The following CENPT variants were observed in gnomAD, a reference collection of about 807,000 sequenced individuals.
The protein encoded by CENPT is interphase centromere complex protein 22.
In CENPT, 42 loss-of-function variants were observed where a neutral mutation model predicts 59.7. The ratio of observed to expected loss-of-function variants is 0.70; its 90% CI spans 0.55 to 0.91. The LOEUF (loss-of-function observed/expected upper bound fraction) is 0.91, where lower values mean the gene tolerates loss of function less well. CENPT is among the 40% of genes least tolerant of loss of function. CENPT has a pLI of 0.00. For synonymous variants in CENPT, 295 were observed against 289.6 expected (o/e 1.02, Z -0.19); for missense variants, 716 against 713.4 (o/e 1.00, Z -0.04).
chr16:67,846,437 G>A (rs901469315), intron 1 of CENPT, among the ~76,000 whole-genome samples: 8 of 152,258 alleles, frequency 5.3e-5, no homozygotes, highest in African/African-American at 1.9e-4. Flanking sequence ...GATTGCAGGA[G>A]CTGTGCGTTC....
chr16:67,838,478 C>T (rs1251160922), intron 1 of CENPT, among the ~76,000 whole-genome samples: 2 of 151,896 alleles, frequency 1.3e-5, no homozygotes, highest in Non-Finnish European at 2.9e-5. Flanking sequence ...AAAAATTAGC[C>T]AGGCATGGTG....
intron 11 of CENPT, 61 bp from the exon 12 acceptor site, chr16:67,830,149 A>G (rs2151284203): frequency 1.3e-6 from 2 of 1,518,472 alleles, no homozygotes; most frequent in South Asian, 2.3e-5. Flanking sequence ...CATAGCTCAG[A>G]GAAGGGTAAA....
chr16:67,841,397 C>G (rs1013671235), intron 1 of CENPT, among the ~76,000 whole-genome samples: 2 of 152,046 alleles, frequency 1.3e-5, no homozygotes, highest in African/African-American at 4.8e-5. Context: ...TTTCCAGGCT[C>G]TTTAATGGCG....
Position 67,831,624 on chromosome 16 carries a change from C to A in CENPT, c.524-12G>T, listed in dbSNP as rs903753802. On this transcript the variant is annotated splice_polypyrimidine_tract_variant and intron_variant, in intron 8 of 15. Coordinates refer to ENST00000562787, the MANE Select transcript of CENPT (RefSeq NM_025082.4). ...ATTCCCTTGAGGCTCTGTCAGCAAC[C>A]GGCAAGAGAATGTAAAAGAAGAAAA... 1.2e-6 allele frequency: 2 copies of A among 1,614,014 alleles called. No individual in the cohort carries two copies. The highest frequency in any genetic ancestry group is 2.7e-5 in the African/African-American group (2 of 75,014).
intron 1 of CENPT, among the ~76,000 whole-genome samples, chr16:67,839,907 T>C (rs1246685025): frequency 6.6e-6 from 1 of 152,166 alleles, no homozygotes; most frequent in Non-Finnish European, 1.5e-5. Context: ...AAATGCAATA[T>C]GTGTGTTCAC....
chr16:67,846,306 G>A (rs1567375979), intron 1 of CENPT, among the ~76,000 whole-genome samples: 1 of 152,236 alleles, frequency 6.6e-6, no homozygotes, highest in Non-Finnish European at 1.5e-5. Flanking sequence ...GAAGTTTGAG[G>A]GTAACCTCTC....
At position 67,828,840 on chromosome 16, in the gene CENPT, T is replaced by C. The variant is rs2057641826; in HGVS notation, c.1284A>G (p.Leu428=). 2 of 1,579,494 alleles carry C rather than the reference T, an allele frequency of 1.3e-6. No homozygotes were observed. The highest frequency in any genetic ancestry group is 1.7e-6 in the Non-Finnish European group (2 of 1,170,588). The change falls in exon 14 of 16, where the codon TTA becomes TTG. Residue 428 remains leucine, a synonymous_variant. Transcript: ENST00000562787. ...EPAPAPGAAV[L]SSEPAEPLLV... ...ACAGAGGCTCTGCAGGCTCTGAAGA[T>C]AAGCTGAGGGCAACAGTGGACAGAG...
chr16:67,843,139 G>A lies in CENPT; in HGVS notation c.-492+4262C>T. 6.2e-7 allele frequency: 1 copy of A among 1,609,898 alleles called. No homozygotes were observed. The highest frequency in any genetic ancestry group is 8.5e-7 in the Non-Finnish European group (1 of 1,179,552). ...CCATCGATCTCACAGTGCAAGTGGAGTTTGCAGCCGCAGAGGGCGCAGCCG... is the reference window on the plus strand; with the variant it reads ...CCATCGATCTCACAGTGCAAGTGGAATTTGCAGCCGCAGAGGGCGCAGCCG... On this transcript the variant is annotated intron_variant, in intron 1 of 15. Coordinates refer to ENST00000562787, the MANE Select transcript of CENPT (RefSeq NM_025082.4). The surrounding 1 kb of genome is among the most constrained non-coding windows in gnomAD (Gnocchi z 5.7).
Position 67,843,079 on chromosome 16 carries a change from G to T in CENPT, c.-492+4322C>A, listed in dbSNP as rs1437041522. 6.2e-7 allele frequency: 1 copy of T among 1,611,414 alleles called. No individual in the cohort carries two copies. Among genetic ancestry groups the T allele is most frequent in the Non-Finnish European group, 8.5e-7 (1 of 1,180,008 alleles). ...GTCAGGCTCCGGGATCCGTACAGCC[G>T]GCGCCCATCACTCCCACTGGAGAAG... On this transcript the variant is annotated intron_variant, in intron 1 of 15. Transcript: ENST00000562787. This position sits in a 1 kb window ranked among gnomAD's most constrained non-coding sequence, Gnocchi z 5.7.
rs1598133798 is a variant in CENPT at position 67,828,200 on chromosome 16, G to A, written c.*67C>T. The A allele has an allele frequency of 1.3e-6, 2 of 1,516,156 alleles. No homozygotes were observed. The highest frequency in any genetic ancestry group is 1.8e-6 in the Non-Finnish European group (2 of 1,128,250). 93.9% of individuals were successfully genotyped at this position (1,516,156 alleles called of 1,614,324 possible). A position where few individuals can be genotyped will look rare whatever the true frequency, so the allele number is the denominator to read the frequency against. On this transcript the variant is annotated 3_prime_UTR_variant, in exon 16 of 16. Transcript: ENST00000562787. ...ATTGATGCTGGGGGGGTGGGGAGGA[G>A]ACCTGGAGAAATATGTGGGGGCAAG...
chr16:67,841,010 CATATAT>C (rs66882634), intron 1 of CENPT, among the ~76,000 whole-genome samples: 19,920 of 108,898 alleles, frequency 0.18, 1,861 homozygotes, highest in South Asian at 0.23. Flanking sequence ...ATACAAAATA[CATATAT>C]ATATATATAT....
chr16:67,828,889 G>A (rs764792797), intron 13 of CENPT, 46 bp from the exon 14 acceptor site: 79 of 1,530,130 alleles, frequency 5.2e-5, no homozygotes, highest in Non-Finnish European at 6.6e-5. Context: ...CCTCAAGGAG[G>A]CTCTTATTCA....
intron 1 of CENPT, among the ~76,000 whole-genome samples, chr16:67,836,214 C>T (rs1308019909): frequency 6.6e-6 from 1 of 150,840 alleles, no homozygotes; most frequent in East Asian, 2.0e-4. Flanking sequence ...GTGCCCACCA[C>T]CACACCTGGC....
chr16:67,829,692 C>T (rs965415868), intron 12 of CENPT, 73 bp downstream of exon 12: 59 of 1,511,100 alleles, frequency 3.9e-5, no homozygotes, highest in Non-Finnish European at 4.8e-5. Context: ...AAACACAACC[C>T]AGACAAGGCC....
At chr16:67,833,623 C>T in intron 4 of CENPT, 127 bp downstream of exon 4, 1 of 542,234 alleles carries the variant, frequency 1.8e-6, no homozygotes, top group Non-Finnish European at 3.2e-6. Context: ...CGCTGGGTTC[C>T]ACCCAGACCC....
chr16:67,831,005 A>G, intron 10 of CENPT: 1 of 659,482 alleles, frequency 1.5e-6, no homozygotes, highest in Non-Finnish European at 2.6e-6. Flanking sequence ...CCTATAGTCT[A>G]AGGATATGGG....
rs1017233076 is a variant in CENPT at position 67,842,503 on chromosome 16, C to T, written c.-492+4898G>A. The T allele has an allele frequency of 2.8e-6, 4 of 1,403,862 alleles. No individual in the cohort carries two copies. Among genetic ancestry groups the T allele is most frequent in the Admixed American group, 3.1e-5 (1 of 32,468 alleles). The allele number at this position is 1,403,862 out of a possible 1,614,324, so 87.0% of individuals were successfully genotyped here. On this transcript the variant is annotated intron_variant, in intron 1 of 15. Coordinates refer to ENST00000562787, the MANE Select transcript of CENPT (RefSeq NM_025082.4). The surrounding 1 kb of genome is among the most constrained non-coding windows in gnomAD (Gnocchi z 4.9). ...GCGGGCGGCGGCGTAGCCACTGGGCCGTCGAAGAGCGCAGGAGGCCGGTGG... is the reference window on the plus strand; with the variant it reads ...GCGGGCGGCGGCGTAGCCACTGGGCTGTCGAAGAGCGCAGGAGGCCGGTGG...
At chr16:67,846,101 A>G (rs1336322673) in intron 1 of CENPT, among the ~76,000 whole-genome samples, 5 of 152,246 alleles carry the variant, frequency 3.3e-5, no homozygotes, top group African/African-American at 1.2e-4. Context: ...TGTGTTACCA[A>G]GAAAACAAAT....
At position 67,843,028 on chromosome 16, in the gene CENPT, C is replaced by T. The variant is rs751823615; in HGVS notation, c.-492+4373G>A. The T allele has an allele frequency of 6.2e-7, 1 of 1,612,634 alleles. No individual in the cohort carries two copies. Among genetic ancestry groups the T allele is most frequent in the South Asian group, 1.1e-5 (1 of 91,084 alleles). Reference sequence around the variant, plus strand: ...TATCTGCTTCCGCGGCCGTGCTTCTCACCCTTCAGGCCACTGTAGACAGCA... The same window carrying T: ...TATCTGCTTCCGCGGCCGTGCTTCTTACCCTTCAGGCCACTGTAGACAGCA... On this transcript the variant is annotated intron_variant, in intron 1 of 15. Transcript: ENST00000562787. The surrounding 1 kb of genome is among the most constrained non-coding windows in gnomAD (Gnocchi z 5.7).
Sources: gnomAD v4.1 joint callset for allele counts (sites outside exome capture counted in the v4.1 genomes callset) on GRCh38, gnomAD v4.1.1 for gene constraint, Gnocchi (gnomAD v3.1) non-coding constraint, MANE v1.5 for transcripts, NCBI Gene and HGNC (gene_info 2026-07-23, HGNC 2026-07-21) for gene names.